Variants in SV2B observed in about 807,000 individuals in gnomAD.
SV2B encodes solute carrier family 22 member B2.
In SV2B, 41 loss-of-function variants were observed where a neutral mutation model predicts 73.9. The observed-to-expected ratio is 0.56, with a 90% CI of 0.43 to 0.72. The LOEUF (loss-of-function observed/expected upper bound fraction) is 0.72, where lower values mean the gene tolerates loss of function less well. Among genes scored for constraint, SV2B ranks in the 30% least tolerant of loss-of-function variants. The pLI is 0.00. For missense variants in SV2B, 764 were observed against 857.8 expected (o/e 0.89, Z 1.37); for synonymous variants, 314 against 314.2 (o/e 1.00, Z 0.01).
chr15:91,171,164 T>C (rs143256110), intron 1 of SV2B, among the ~76,000 whole-genome samples: 7 of 152,148 alleles, frequency 4.6e-5, no homozygotes, highest in African/African-American at 1.2e-4. Flanking sequence ...CAGGGAAGCA[T>C]GGGGGTCATG....
In SV2B at chr15:91,283,949, A is replaced by T. The variant is rs1250788927; in HGVS notation, c.1508-72A>T. ...CTGCCTACAGGAGGGGGCAGACTTC[A>T]TCCCTGCCTCTGCCTTTCTCTCTCC... is the stretch of plus-strand genomic sequence containing the variant. On this transcript the variant is annotated intron_variant, in intron 10 of 12. Transcript: ENST00000394232. The surrounding 1 kb of genome is among the most constrained non-coding windows in gnomAD (Gnocchi z 4.3). 2 of 1,519,860 alleles carry T rather than the reference A, an allele frequency of 1.3e-6. No individual in the cohort carries two copies. Among genetic ancestry groups the T allele is most frequent in the Non-Finnish European group, 1.8e-6 (2 of 1,100,122 alleles). 94.1% of individuals were successfully genotyped at this position (1,519,860 alleles called of 1,614,324 possible).
chr15:91,176,328 G>C (rs2044307529), intron 1 of SV2B, among the ~76,000 whole-genome samples: 3 of 151,834 alleles, frequency 2.0e-5, no homozygotes, highest in Admixed American at 2.0e-4. Context: ...CTTTGCTATT[G>C]TGAATAGTGC....
chr15:91,237,530 C>A (rs2046834950), intron 2 of SV2B, among the ~76,000 whole-genome samples: 1 of 152,250 alleles, frequency 6.6e-6, no homozygotes, highest in African/African-American at 2.4e-5. Flanking sequence ...TCTGGAATAA[C>A]TAAGCCAGAA....
At chr15:91,180,890 A>G (rs1407543429) in intron 1 of SV2B, among the ~76,000 whole-genome samples, 3 of 151,942 alleles carry the variant, frequency 2.0e-5, no homozygotes, top group African/African-American at 7.3e-5. Context: ...TCTTCTCTCA[A>G]CTCGTCAAAG....
At chr15:91,244,423 T>C (rs974272320) in intron 2 of SV2B, among the ~76,000 whole-genome samples, 2 of 152,212 alleles carry the variant, frequency 1.3e-5, no homozygotes, top group Non-Finnish European at 2.9e-5. Context: ...ACTGGACCCA[T>C]AAAAGACTAG....
chr15:91,127,325 A>T (rs948007486), intron 1 of SV2B, among the ~76,000 whole-genome samples: 10 of 152,052 alleles, frequency 6.6e-5, no homozygotes, highest in Non-Finnish European at 1.3e-4. Flanking sequence ...CATTTTTGAG[A>T]TACTCTAATT....
rs2049424645 is a variant in SV2B at position 91,300,975 on chromosome 15, T to A, written c.*8423T>A. Reference sequence around the variant, plus strand: ...GACATGTAGCCAGTGGAGGAAGATGTTTCTTTGGAAGCCTGCCATCTTTCT... The same window carrying A: ...GACATGTAGCCAGTGGAGGAAGATGATTCTTTGGAAGCCTGCCATCTTTCT... On this transcript the variant is annotated 3_prime_UTR_variant, in exon 13 of 13. Transcript: ENST00000394232. The A allele has an allele frequency of 6.6e-6, 1 of 152,236 alleles. No individual in the cohort carries two copies. The highest frequency in any genetic ancestry group is 6.5e-5 in the Admixed American group (1 of 15,284). 9.4% of individuals were successfully genotyped at this position (152,236 alleles called of 1,614,324 possible).
At chr15:91,243,192 A>C (rs8029774) in intron 2 of SV2B, among the ~76,000 whole-genome samples, 7,882 of 152,244 alleles carry the variant, frequency 0.052, 708 homozygotes, top group African/African-American at 0.18. Context: ...GGCATCACTG[A>C]GCCTCATTGG....
intron 1 of SV2B, among the ~76,000 whole-genome samples, chr15:91,133,330 C>T (rs7167623): frequency 0.063 from 9,520 of 152,032 alleles, 947 homozygotes; most frequent in African/African-American, 0.21. Context: ...AAAATTGAAC[C>T]GCCATCCTCC....
chr15:91,199,177 A>T (rs954519319), intron 1 of SV2B, among the ~76,000 whole-genome samples: 1 of 149,050 alleles, frequency 6.7e-6, no homozygotes, highest in African/African-American at 2.6e-5. Flanking sequence ...ATAAACACTT[A>T]AAAAAATCAT....
chr15:91,117,461 T>G (rs954887418), intron 1 of SV2B, among the ~76,000 whole-genome samples: 1 of 152,210 alleles, frequency 6.6e-6, no homozygotes, highest in Non-Finnish European at 1.5e-5. Context: ...ACAAACTATA[T>G]TTATCTTACT....
intron 1 of SV2B, among the ~76,000 whole-genome samples, chr15:91,174,501 T>A (rs1185564593): frequency 6.6e-6 from 1 of 152,166 alleles, no homozygotes; most frequent in East Asian, 1.9e-4. Flanking sequence ...AAGGCTTAAT[T>A]TAAAACAAGC....
In SV2B at chr15:91,225,934, T is replaced by C; in HGVS notation, c.-330T>C. The C allele has an allele frequency of 2.9e-6, 1 of 344,060 alleles. No homozygotes were observed. Among genetic ancestry groups the C allele is most frequent in the South Asian group, 3.0e-5 (1 of 33,038 alleles). 21.3% of individuals were successfully genotyped at this position (344,060 alleles called of 1,614,324 possible). A position where few individuals can be genotyped will look rare whatever the true frequency, so the allele number is the denominator to read the frequency against. On this transcript the variant is annotated 5_prime_UTR_variant, in exon 2 of 13. Transcript: ENST00000394232. ...ACGCAGTCTGCCAAGTCCTGCTCGC[T>C]CCCTGTCAAGAAAAACAGCTGGATC... is the stretch of plus-strand genomic sequence containing the variant.
chr15:91,211,123 G>A (rs921018420), intron 1 of SV2B, among the ~76,000 whole-genome samples: 1 of 152,242 alleles, frequency 6.6e-6, no homozygotes, highest in Non-Finnish European at 1.5e-5. Context: ...CAAATCAACG[G>A]CAGTAGTTTC....
In SV2B at chr15:91,105,298, G is replaced by A. The variant is rs946444443; in HGVS notation, c.-392+4935G>A. Among the ~76,000 whole-genome samples, 8 of 152,044 alleles carry A rather than the reference G, an allele frequency of 5.3e-5. No homozygotes were observed. Among genetic ancestry groups the A allele is most frequent in the Admixed American group, 1.3e-4 (2 of 15,252 alleles). On this transcript the variant is annotated intron_variant, in intron 1 of 12. Transcript: ENST00000394232. This position sits in a 1 kb window ranked among gnomAD's most constrained non-coding sequence, Gnocchi z 5.5. Reference sequence around the variant, plus strand: ...TTGGAGTGGGAGGGTAGGGTAAAACGAAGTGTGGGTATTTTATGCAAGGTG... The same window carrying A: ...TTGGAGTGGGAGGGTAGGGTAAAACAAAGTGTGGGTATTTTATGCAAGGTG...
At chr15:91,189,935 C>G (rs2044939463) in intron 1 of SV2B, among the ~76,000 whole-genome samples, 2 of 152,040 alleles carry the variant, frequency 1.3e-5, no homozygotes, top group African/African-American at 4.8e-5. Flanking sequence ...TGGCAGTGAG[C>G]TGAGATTGCG....
chr15:91,152,765 T>C (rs941262629), intron 1 of SV2B, among the ~76,000 whole-genome samples: 2 of 152,220 alleles, frequency 1.3e-5, no homozygotes, highest in Admixed American at 1.3e-4. Flanking sequence ...GTTTTCTTTC[T>C]GAGCTTCCTT....
Position 91,136,399 on chromosome 15 carries a change from A to G in SV2B, c.-392+36036A>G, listed in dbSNP as rs899389089. Among the ~76,000 whole-genome samples, 1 of 152,156 alleles carries G rather than the reference A, an allele frequency of 6.6e-6. No individual in the cohort carries two copies. The highest frequency in any genetic ancestry group is 1.5e-5 in the Non-Finnish European group (1 of 68,014). ...GGGTGACTTACTCTCTAGGGGCCTT[A>G]GGTATATTCTCGGAGAGAGAACCTT... On this transcript the variant is annotated intron_variant, in intron 1 of 12. Coordinates refer to ENST00000394232, the MANE Select transcript of SV2B (RefSeq NM_001323032.3). This position sits in a 1 kb window ranked among gnomAD's most constrained non-coding sequence, Gnocchi z 5.6.
rs1288531647 is a variant in SV2B at position 91,197,506 on chromosome 15, G to A, written c.-391-28367G>A. Among the ~76,000 whole-genome samples the A allele has an allele frequency of 6.6e-6, 1 of 151,060 alleles. No homozygotes were observed. The highest frequency in any genetic ancestry group is 2.4e-5 in the African/African-American group (1 of 41,106). On this transcript the variant is annotated intron_variant, in intron 1 of 12. Transcript: ENST00000394232. This position sits in a 1 kb window ranked among gnomAD's most constrained non-coding sequence, Gnocchi z 4.9. ...CCCATAGTGCTGGGATTACAGGCGT[G>A]AGCCACCGCGCCCAGCCATCATTGT...
Sources: allele counts gnomAD v4.1 joint callset (sites outside exome capture counted in the v4.1 genomes callset), GRCh38; gene constraint gnomAD v4.1.1; non-coding constraint Gnocchi (gnomAD v3.1); transcripts MANE v1.5; gene names NCBI Gene and HGNC (gene_info 2026-07-23, HGNC 2026-07-21).